The following ATR variants were observed in gnomAD, a reference collection of about 807,000 sequenced individuals.
The protein encoded by ATR is ATR checkpoint kinase, also known as serine/threonine-protein kinase ATR.
A neutral mutation model predicts 305.3 loss-of-function variants in ATR; 142 were observed. The ratio of observed to expected loss-of-function variants is 0.47; its 90% confidence interval spans 0.41 to 0.53. ATR has a LOEUF of 0.53. Ranked by LOEUF, ATR falls within the 20% of genes least tolerant of loss-of-function variation. The probability of loss-of-function intolerance (pLI) is 0.00; values close to 1 mark genes in which losing one functional copy is unlikely to be tolerated. For synonymous variants in ATR, 1,050 were observed against 1,068.1 expected, an observed-to-expected ratio of 0.98 and a Z score of 0.33; for missense variants, 2,135 against 3,133.1, an observed-to-expected ratio of 0.68 and a Z score of 7.60.
Position 142,469,552 on chromosome 3 carries a change from C to G in ATR, c.6337G>C (p.Val2113Leu), listed in dbSNP as rs191588404. 6.2e-7 allele frequency: 1 copy of G among 1,613,572 alleles called. No individual in the cohort carries two copies. The highest frequency in any genetic ancestry group is 1.7e-5 in the Admixed American group (1 of 59,962). Residue 2113 changes from valine (V) to leucine (L), a missense_variant, in exon 38 of 47, where the codon GTA becomes CTA. Around this residue, in one of 9 missense-constraint regions of ATR, gnomAD observed 462 missense variants for 887.6 expected, o/e 0.52. Transcript: ENST00000350721. ...EWEKAGRSDR[V>L]QMRNDLGKIN... ...TTACCCAAATCATTCCTCATTTGTA[C>G]ACGATCGGAGCGGCCAGCTGGGGGA...
intron 1 of ATR, among the ~76,000 whole-genome samples, chr3:142,571,141 T>C (rs958783831): frequency 6.6e-6 from 1 of 152,170 alleles, no homozygotes; most frequent in African/African-American, 2.4e-5. Flanking sequence ...GAACTCAGAA[T>C]AGTTGCTGGG....
intron 33 of ATR, 147 bp downstream of exon 33, chr3:142,496,866 C>T (rs1441208252): frequency 1.1e-6 from 1 of 938,602 alleles, no homozygotes; most frequent in Non-Finnish European, 1.6e-6. Context: ...TTCTAGGTTC[C>T]TTTCAACCAG....
chr3:142,457,373 TTAGA>T (rs2070929521), intron 45 of ATR, among the ~76,000 whole-genome samples: 1 of 152,170 alleles, frequency 6.6e-6, no homozygotes, highest in Non-Finnish European at 1.5e-5. Flanking sequence ...TGTTTTAAAA[TTAGA>T]TAGTGGTAAT....
At chr3:142,565,595 C>G (rs891552154) in intron 3 of ATR, among the ~76,000 whole-genome samples, 1 of 151,874 alleles carries the variant, frequency 6.6e-6, no homozygotes, top group Non-Finnish European at 1.5e-5. Context: ...TCTAATAAAA[C>G]TTTGTTTACA....
chr3:142,492,929 T>C (rs1360220785), intron 35 of ATR, among the ~76,000 whole-genome samples: 2 of 152,164 alleles, frequency 1.3e-5, no homozygotes, highest in Admixed American at 6.6e-5. Flanking sequence ...AGTGGGGTTA[T>C]AGAGCTCAAA....
At position 142,563,122 on chromosome 3, in the gene ATR, C is replaced by CA; in HGVS notation, c.293-14dup. ...CAATTACTGAATTCTTTGAAATAAACAAAAAAGATATTAAATAAACAAGTA... is the reference window on the plus strand; with the variant it reads ...CAATTACTGAATTCTTTGAAATAAACAAAAAAAGATATTAAATAAACAAGTA... On this transcript the variant is annotated splice_polypyrimidine_tract_variant and intron_variant, in intron 3 of 46. Transcript: ENST00000350721. 1 of 1,593,428 alleles carries CA rather than the reference C, an allele frequency of 6.3e-7. No individual in the cohort carries two copies. The highest frequency in any genetic ancestry group is 8.5e-7 in the Non-Finnish European group (1 of 1,172,706).
intron 3 of ATR, among the ~76,000 whole-genome samples, chr3:142,563,618 C>T (rs1007881463): frequency 2.0e-5 from 3 of 152,096 alleles, no homozygotes; most frequent in Non-Finnish European, 4.4e-5. Flanking sequence ...CTCCCTATTC[C>T]CTGAGACACA....
chr3:142,534,293 C>T (rs1220360677), intron 21 of ATR, among the ~76,000 whole-genome samples: 1 of 152,052 alleles, frequency 6.6e-6, no homozygotes, highest in Admixed American at 6.6e-5. Context: ...AAGGCTCCTC[C>T]CCTCTGTTGG....
At chr3:142,482,857 G>C (rs1190141634) in intron 36 of ATR, among the ~76,000 whole-genome samples, 3 of 150,824 alleles carry the variant, frequency 2.0e-5, no homozygotes, top group Non-Finnish European at 4.4e-5. Context: ...AAGAAGAACT[G>C]CCTTTAGTAC....
rs187885603 is a variant in ATR at position 142,466,193 on chromosome 3, C to T, written c.6897+131G>A. On this transcript the variant is annotated intron_variant, in intron 40 of 46. Transcript: ENST00000350721. ...CAGTACAAATGAGTTTAGTTTTACT[C>T]TTCTGTATTTCCAATTATTTTTCTT... 17 of 1,087,300 alleles carry T rather than the reference C, an allele frequency of 1.6e-5. No homozygotes were observed. In the African/African-American group the frequency reaches 2.4e-4, roughly 15 times the overall value. 67.4% of individuals were successfully genotyped at this position (1,087,300 alleles called of 1,614,324 possible).
intron 1 of ATR, among the ~76,000 whole-genome samples, chr3:142,569,855 C>T (rs1015599725): frequency 2.0e-5 from 3 of 151,710 alleles, no homozygotes; most frequent in Non-Finnish European, 2.9e-5. Context: ...CCATGTTGGC[C>T]AGGATGGTCT....
chr3:142,451,120 G>A (rs1347903604), intron 46 of ATR: 2 of 1,261,616 alleles, frequency 1.6e-6, no homozygotes, highest in East Asian at 9.6e-5. Flanking sequence ...TGCTGCTCAG[G>A]TGTAATTCCC....
chr3:142,509,146 T>C (rs1286019597), intron 27 of ATR, among the ~76,000 whole-genome samples: 1 of 152,104 alleles, frequency 6.6e-6, no homozygotes, highest in Non-Finnish European at 1.5e-5. Context: ...AATAAGGCAG[T>C]ATATTTTATT....
In ATR at chr3:142,516,267, C is replaced by T. The variant is rs7627961; in HGVS notation, c.4383-752G>A. Among the ~76,000 whole-genome samples, 1,445 of 152,234 alleles carry T rather than the reference C, an allele frequency of 9.5e-3. 27 individuals carry two copies. The highest frequency in any genetic ancestry group is 0.032 in the African/African-American group (1,328 of 41,524). On this transcript the variant is annotated intron_variant, in intron 24 of 46. Coordinates refer to ENST00000350721, the MANE Select transcript of ATR (RefSeq NM_001184.4). Reference sequence around the variant, plus strand: ...AGCATTCTCTTGGTAATATCCTCTACCCACTCCATTGCCACACTGTCTTTT... The same window carrying T: ...AGCATTCTCTTGGTAATATCCTCTATCCACTCCATTGCCACACTGTCTTTT...
intron 25 of ATR, 65 bp downstream of exon 25, chr3:142,515,330 C>T: frequency 1.3e-6 from 2 of 1,589,500 alleles, no homozygotes; most frequent in Non-Finnish European, 1.7e-6. Flanking sequence ...GCTAGGCATT[C>T]AGATAGATGT....
Position 142,566,280 on chromosome 3 carries a change from T to C in ATR, c.152-19A>G, listed in dbSNP as rs2108494722. On this transcript the variant is annotated intron_variant, in intron 2 of 46. Transcript: ENST00000350721. ...ACAGCAACTAAAACAATAAGATTCA[T>C]TTTAAAGAGTCATGACAAATTAAAC... The C allele has an allele frequency of 6.2e-7, 1 of 1,611,762 alleles. No homozygotes were observed. Among genetic ancestry groups the C allele is most frequent in the Non-Finnish European group, 8.5e-7 (1 of 1,177,922 alleles).
chr3:142,548,670 A>C (rs2034360311), intron 15 of ATR, among the ~76,000 whole-genome samples: 3 of 126,076 alleles, frequency 2.4e-5, no homozygotes, highest in Admixed American at 7.5e-5. Flanking sequence ...CTCCCATCAC[A>C]AAAAAAAAAA....
At chr3:142,495,744 AAAAT>A (rs61258831) in intron 34 of ATR, among the ~76,000 whole-genome samples, 6 of 151,574 alleles carry the variant, frequency 4.0e-5, no homozygotes, top group African/African-American at 7.3e-5. Flanking sequence ...ACTCCGGTTC[AAAAT>A]AAATAAATAA....
At chr3:142,560,527 A>C in intron 5 of ATR, 73 bp from the exon 6 acceptor site, 2 of 1,418,174 alleles carry the variant, frequency 1.4e-6, no homozygotes, top group Non-Finnish European at 2.0e-6. Context: ...ACATATTTAG[A>C]ATAAAACATA....
Sources: gnomAD v4.1 joint callset for allele counts (sites outside exome capture counted in the v4.1 genomes callset) on GRCh38, gnomAD v4.1.1 for gene constraint, gnomAD v4.1.1 regional missense constraint, MANE v1.5 for transcripts, NCBI Gene and HGNC (gene_info 2026-07-23, HGNC 2026-07-21) for gene names.